The following SLC30A5 variants were observed in gnomAD, a reference collection of about 807,000 sequenced individuals.
SLC30A5 encodes the protein proton-coupled zinc antiporter SLC30A5.
In SLC30A5, 33 loss-of-function variants were observed where a neutral mutation model predicts 79.6. That is an observed-to-expected ratio of 0.41 (90% CI 0.31 to 0.55). The LOEUF (loss-of-function observed/expected upper bound fraction) is 0.55, where lower values mean the gene tolerates loss of function less well. Among genes scored for constraint, SLC30A5 ranks in the 20% least tolerant of loss-of-function variants. SLC30A5 has a pLI of 0.20. For synonymous variants in SLC30A5, 299 were observed against 319.7 expected, an observed-to-expected ratio of 0.94 and a Z score of 0.69; for missense variants, 788 against 928.1, an observed-to-expected ratio of 0.85 and a Z score of 1.96.
chr5:69,120,351 T>C (rs1028897768), intron 12 of SLC30A5, among the ~76,000 whole-genome samples: 1 of 151,276 alleles, frequency 6.6e-6, no homozygotes, highest in Non-Finnish European at 1.5e-5. Flanking sequence ...GCCACTGCAC[T>C]CCAGCCTGGT....
At chr5:69,105,543 T>TA (rs1746057763) in intron 4 of SLC30A5, among the ~76,000 whole-genome samples, 1 of 151,668 alleles carries the variant, frequency 6.6e-6, no homozygotes, top group African/African-American at 2.4e-5. Flanking sequence ...CCGCCTTTAT[T>TA]AAAAAATATA....
At position 69,115,247 on chromosome 5, in the gene SLC30A5, T is replaced by A; in HGVS notation, c.623T>A (p.Leu208Ter). ...LGVADHKGGV[L>*]LLVLALCCKV... Reference sequence around the variant, plus strand: ...TAATTTTACTCACAGGGTGGAGTATTATTGCTAGTACTGGCTTTGTGTTGT... The same window carrying A: ...TAATTTTACTCACAGGGTGGAGTATAATTGCTAGTACTGGCTTTGTGTTGT... The change falls in exon 8 of 16, where the codon TTA (leucine) becomes TAA (stop). Residue 208 changes from leucine (L) to a stop codon, truncating the protein, a stop_gained. Transcript: ENST00000396591. LOFTEE classifies it high-confidence loss of function. 1 of 1,613,438 alleles carries A rather than the reference T, an allele frequency of 6.2e-7. No individual in the cohort carries two copies. Among genetic ancestry groups the A allele is most frequent in the Non-Finnish European group, 8.5e-7 (1 of 1,179,514 alleles).
In SLC30A5 at chr5:69,123,249, G is replaced by T; in HGVS notation, c.1822G>T (p.Val608Leu). The T allele has an allele frequency of 6.2e-7, 1 of 1,613,514 alleles. No individual in the cohort carries two copies. Among genetic ancestry groups the T allele is most frequent in the Non-Finnish European group, 8.5e-7 (1 of 1,179,746 alleles). The change falls in exon 14 of 16, where the codon GTA (valine) becomes TTA (leucine). Residue 608 changes from valine (V) to leucine (L), a missense_variant. Val to Leu is a conservative substitution (Grantham distance 32, BLOSUM62 1). This residue lies in a region of SLC30A5 where 626 missense variants were observed against 755.5 expected (regional missense o/e 0.83). Transcript: ENST00000396591. Reference protein sequence around the residue: ...ADTLGSIGVIVSTVLIEQFGW... With the variant: ...ADTLGSIGVILSTVLIEQFGW... Reference sequence around the variant, plus strand: ...TACACTTGGCAGCATTGGTGTGATCGTATCCACAGTTCTTATAGAGCAGTT... The same window carrying T: ...TACACTTGGCAGCATTGGTGTGATCTTATCCACAGTTCTTATAGAGCAGTT...
chr5:69,100,013 G>A (rs73119221), intron 1 of SLC30A5, among the ~76,000 whole-genome samples: 2,724 of 152,272 alleles, frequency 0.018, 79 homozygotes, highest in African/African-American at 0.061. Flanking sequence ...CTGTTACCTA[G>A]GCTGAAGTGC....
intron 1 of SLC30A5, among the ~76,000 whole-genome samples, chr5:69,096,956 C>T (rs1376031951): frequency 2.7e-5 from 4 of 149,144 alleles, no homozygotes; most frequent in East Asian, 2.1e-4. Flanking sequence ...CAAAACCCTG[C>T]CCCGCCTTTC....
chr5:69,116,727 C>T lies in SLC30A5; in HGVS notation c.1281+125C>T, dbSNP rs762660507. ...AGATGAGCTAAAATTTAAATTTTTT[C>T]TAAGTATAATAGCAAGATTACGAGA... On this transcript the variant is annotated intron_variant, in intron 10 of 15. Coordinates refer to ENST00000396591, the MANE Select transcript of SLC30A5 (RefSeq NM_022902.5). The surrounding 1 kb of genome is among the most constrained non-coding windows in gnomAD (Gnocchi z 4.0). 48 of 620,762 alleles carry T rather than the reference C, an allele frequency of 7.7e-5. No individual in the cohort carries two copies. The highest frequency in any genetic ancestry group is 1.1e-4 in the Non-Finnish European group (45 of 394,756). 38.5% of individuals were successfully genotyped at this position (620,762 alleles called of 1,614,324 possible).
At chr5:69,100,666 T>G in intron 1 of SLC30A5, 141 bp from the exon 2 acceptor site, 1 of 607,028 alleles carries the variant, frequency 1.6e-6, no homozygotes, top group Non-Finnish European at 2.8e-6. Flanking sequence ...TGGTGAGTTG[T>G]TTGGGGACTC....
rs368667260 is a variant in SLC30A5, at chr5:69,127,471, T to C, written c.1999-533T>C. On this transcript the variant is annotated intron_variant, in intron 14 of 15. Transcript: ENST00000396591. ...TGGTGAAACCCCATCTGTACTAAAA[T>C]ACAAAAAAAAAAAAAAAAAAAAAAT... 5.5e-4 allele frequency among the ~76,000 whole-genome samples: 17 copies of C among 30,898 alleles called. No individual in the cohort carries two copies. The South Asian group carries it at 0.014, about 25-fold the overall frequency. The allele number at this position is 30,898 out of a possible 152,430, so 20.3% of individuals were successfully genotyped here.
intron 3 of SLC30A5, chr5:69,103,850 A>AT (rs1268697368): frequency 1.4e-5 from 12 of 844,724 alleles, no homozygotes; most frequent in Non-Finnish European, 2.0e-5. Flanking sequence ...CTGCGTCATA[A>AT]TTTTTTTATT....
At position 69,115,408 on chromosome 5, in the gene SLC30A5, G is replaced by A. The variant is rs1353814211; in HGVS notation, c.783+1G>A. 1 of 1,608,022 alleles carries A rather than the reference G, an allele frequency of 6.2e-7. No homozygotes were observed. The highest frequency in any genetic ancestry group is 8.5e-7 in the Non-Finnish European group (1 of 1,176,250). ...CATTGTTCTTTCTGTGACAACTGAG[G>A]TAAGATAAGAGCAAGAATTTATTGG... On this transcript the variant is annotated splice_donor_variant, in intron 8 of 15. Transcript: ENST00000396591. LOFTEE classifies it high-confidence loss of function.
At position 69,129,624 on chromosome 5, in the gene SLC30A5, T is replaced by C; in HGVS notation, c.*7T>C. The stretch of plus-strand genomic sequence containing the variant: ...TGGTACTTACATCATGTGAGATAAC[T>C]CAAGAATTACCCCTGGAGAATAAAC... On this transcript the variant is annotated 3_prime_UTR_variant, in exon 16 of 16. Transcript: ENST00000396591. 1 of 1,599,602 alleles carries C rather than the reference T, an allele frequency of 6.3e-7. No individual in the cohort carries two copies. Among genetic ancestry groups the C allele is most frequent in the Non-Finnish European group, 8.5e-7 (1 of 1,173,346 alleles).
intron 14 of SLC30A5, among the ~76,000 whole-genome samples, chr5:69,125,286 G>A (rs1746645306): frequency 6.6e-6 from 1 of 152,130 alleles, no homozygotes; most frequent in South Asian, 2.1e-4. Flanking sequence ...CAGCACTTTG[G>A]GAGGCTGAGG....
intron 1 of SLC30A5, among the ~76,000 whole-genome samples, chr5:69,095,623 G>A (rs550609663): frequency 1.3e-5 from 2 of 152,292 alleles, no homozygotes; most frequent in African/African-American, 2.4e-5. Flanking sequence ...GTAAATAACA[G>A]CATATCAGAT....
intron 15 of SLC30A5, 70 bp downstream of exon 15, chr5:69,128,202 A>T: frequency 8.9e-7 from 1 of 1,122,766 alleles, no homozygotes; most frequent in Non-Finnish European, 1.3e-6. Flanking sequence ...CTCATAAGTT[A>T]TATGGCTCAG....
intron 5 of SLC30A5, among the ~76,000 whole-genome samples, chr5:69,111,125 C>G (rs1403671389): frequency 6.6e-6 from 1 of 151,532 alleles, no homozygotes; most frequent in Non-Finnish European, 1.5e-5. Flanking sequence ...TCCCGAGTAG[C>G]TGAGATTACA....
chr5:69,094,054 G>T lies in SLC30A5; in HGVS notation c.-202G>T, dbSNP rs1286285967. ...GCTTCCCGGGAACCTGGCGCCGCCG[G>T]AACTGATCGCGGCCTAGTCCCGACG... is the stretch of plus-strand genomic sequence containing the variant. On this transcript the variant is annotated 5_prime_UTR_variant, in exon 1 of 16. Transcript: ENST00000396591. 8 of 396,026 alleles carry T rather than the reference G, an allele frequency of 2.0e-5. No homozygotes were observed. Among genetic ancestry groups the T allele is most frequent in the Admixed American group, 4.4e-5 (1 of 22,546 alleles). 24.5% of individuals were successfully genotyped at this position (396,026 alleles called of 1,614,324 possible). A position where few individuals can be genotyped will look rare whatever the true frequency, so the allele number is the denominator to read the frequency against.
intron 14 of SLC30A5, among the ~76,000 whole-genome samples, chr5:69,123,693 T>G (rs1322449154): frequency 6.6e-6 from 1 of 152,172 alleles, no homozygotes; most frequent in Admixed American, 6.6e-5. Flanking sequence ...TTTATTATAA[T>G]GATGTTGATT....
At chr5:69,109,864 G>A (rs1746184819) in intron 5 of SLC30A5, among the ~76,000 whole-genome samples, 1 of 152,154 alleles carries the variant, frequency 6.6e-6, no homozygotes, top group South Asian at 2.1e-4. Flanking sequence ...CAGGTATTTA[G>A]TGAAGGAGTG....
At chr5:69,125,157 A>G (rs1266489485) in intron 14 of SLC30A5, among the ~76,000 whole-genome samples, 1 of 152,098 alleles carries the variant, frequency 6.6e-6, no homozygotes, top group East Asian at 1.9e-4. Flanking sequence ...TGGGAGGCTG[A>G]GGTGAGCAGA....
Sources: allele counts gnomAD v4.1 joint callset (sites outside exome capture counted in the v4.1 genomes callset), GRCh38; gene constraint gnomAD v4.1.1; regional missense constraint gnomAD v4.1.1; non-coding constraint Gnocchi (gnomAD v3.1); transcripts MANE v1.5; gene names NCBI Gene and HGNC (gene_info 2026-07-23, HGNC 2026-07-21).